THSD7A: variants seen among roughly 807,000 people sequenced by gnomAD.
THSD7A encodes the protein thrombospondin type-1 domain-containing protein 7A.
A neutral mutation model predicts 231.3 loss-of-function variants in THSD7A; 96 were observed. That is an observed-to-expected ratio of 0.41 (90% CI 0.35 to 0.49). The LOEUF is 0.49. Among genes scored for constraint, THSD7A ranks in the 20% least tolerant of loss-of-function variants. The pLI, the probability that THSD7A is intolerant of heterozygous loss-of-function variation, is 0.05. For missense variants in THSD7A, 2,290 were observed against 2,070.2 expected (o/e 1.11, Z -2.06); for synonymous variants, 940 against 743.3 (o/e 1.26, Z -4.30).
chr7:11,567,429 AGATTAGGGG>A (rs1207421501), intron 4 of THSD7A, among the ~76,000 whole-genome samples: 1 of 152,100 alleles, frequency 6.6e-6, no homozygotes, highest in Admixed American at 6.6e-5. Flanking sequence ...TCATATATGG[AGATTAGGGG>A]GATTACAGTT....
At chr7:11,527,774 CTCTT>C (rs1462732800) in intron 6 of THSD7A, among the ~76,000 whole-genome samples, 2 of 152,186 alleles carry the variant, frequency 1.3e-5, no homozygotes, top group African/African-American at 4.8e-5. Context: ...TCCCTCTCCT[CTCTT>C]TCTATATCAC....
At chr7:11,685,799 A>G (rs1780029352) in intron 1 of THSD7A, among the ~76,000 whole-genome samples, 1 of 151,964 alleles carries the variant, frequency 6.6e-6, no homozygotes, top group South Asian at 2.1e-4. Flanking sequence ...CCCTGTGCAA[A>G]GCAATTTGAA....
intron 1 of THSD7A, among the ~76,000 whole-genome samples, chr7:11,671,457 A>C (rs1245206706): frequency 6.6e-6 from 1 of 152,184 alleles, no homozygotes; most frequent in Non-Finnish European, 1.5e-5. Context: ...TATGTAAGAC[A>C]TTCCTCTTGC....
At chr7:11,772,320 C>G (rs1323586566) in intron 1 of THSD7A, among the ~76,000 whole-genome samples, 3 of 152,110 alleles carry the variant, frequency 2.0e-5, no homozygotes, top group African/African-American at 7.2e-5. Context: ...ATGGAGATCT[C>G]TCAAAGAACT....
intron 1 of THSD7A, among the ~76,000 whole-genome samples, chr7:11,709,177 C>G (rs1222670067): frequency 1.3e-5 from 2 of 150,746 alleles, no homozygotes; most frequent in African/African-American, 4.8e-5. Flanking sequence ...TATTTAGGGT[C>G]TGGCTTTGTT....
At chr7:11,567,572 G>C (rs948442262) in intron 4 of THSD7A, among the ~76,000 whole-genome samples, 2 of 152,086 alleles carry the variant, frequency 1.3e-5, no homozygotes, top group African/African-American at 2.4e-5. Flanking sequence ...TCTCACCCTG[G>C]GCCATAACTG....
At chr7:11,399,753 C>T (rs781732258) in intron 23 of THSD7A, among the ~76,000 whole-genome samples, 18 of 152,246 alleles carry the variant, frequency 1.2e-4, no homozygotes, top group South Asian at 6.2e-4. Flanking sequence ...GACAGTGTGG[C>T]GATTCCTCAA....
At chr7:11,445,649 G>A (rs1014504530) in intron 13 of THSD7A, among the ~76,000 whole-genome samples, 6 of 151,982 alleles carry the variant, frequency 3.9e-5, no homozygotes, top group African/African-American at 1.2e-4. Context: ...AATCTTGCCA[G>A]TTTAGGTGTT....
intron 2 of THSD7A, among the ~76,000 whole-genome samples, chr7:11,635,162 T>G (rs1781789276): frequency 1.3e-5 from 2 of 152,290 alleles, no homozygotes; most frequent in African/African-American, 4.8e-5. Flanking sequence ...GTCTTATATG[T>G]TTTTTAATCA....
At chr7:11,463,034 T>C (rs1351670374) in intron 9 of THSD7A, among the ~76,000 whole-genome samples, 1 of 152,182 alleles carries the variant, frequency 6.6e-6, no homozygotes, top group Non-Finnish European at 1.5e-5. Context: ...AAGAATTATG[T>C]TAATAGAATC....
intron 7 of THSD7A, among the ~76,000 whole-genome samples, chr7:11,481,144 C>T (rs1404640221): frequency 6.6e-6 from 1 of 152,016 alleles, no homozygotes. Flanking sequence ...TACCAAGAGC[C>T]TTGTATTTCT....
At chr7:11,752,821 G>C (rs1031251915) in intron 1 of THSD7A, among the ~76,000 whole-genome samples, 1 of 152,008 alleles carries the variant, frequency 6.6e-6, no homozygotes, top group South Asian at 2.1e-4. Context: ...AGCTACTCAA[G>C]AGGCTGAGTT....
At chr7:11,459,450 A>G (rs889446666) in intron 11 of THSD7A, among the ~76,000 whole-genome samples, 1 of 152,092 alleles carries the variant, frequency 6.6e-6, no homozygotes, top group African/African-American at 2.4e-5. Context: ...AATGGAGGAG[A>G]ACGACTTTCA....
chr7:11,388,267 T>A (rs112513838), intron 23 of THSD7A, among the ~76,000 whole-genome samples: 4 of 152,112 alleles, frequency 2.6e-5, no homozygotes, highest in Admixed American at 1.3e-4. Context: ...TCAGAAGGAA[T>A]GGTACCAGCT....
intron 1 of THSD7A, among the ~76,000 whole-genome samples, chr7:11,805,999 C>G (rs1418467252): frequency 6.6e-6 from 1 of 152,080 alleles, no homozygotes; most frequent in Non-Finnish European, 1.5e-5. Flanking sequence ...GTGACAGATT[C>G]TTTATTTTTA....
At chr7:11,797,622 T>C (rs530629272) in intron 1 of THSD7A, among the ~76,000 whole-genome samples, 192 of 152,138 alleles carry the variant, frequency 1.3e-3, no homozygotes, top group African/African-American at 4.6e-3. Flanking sequence ...CCTCACTATG[T>C]TGTCCAGGAT....
In THSD7A at chr7:11,399,410, C is replaced by T. The variant is rs543284423; in HGVS notation, c.4411+2385G>A. Among the ~76,000 whole-genome samples, 9 of 152,132 alleles carry T rather than the reference C, an allele frequency of 5.9e-5. No individual in the cohort carries two copies. The East Asian group carries it at 1.7e-3, about 29-fold the overall frequency. ...TCCTCTTCACTGAATTTGCCATGAG[C>T]TGGTCTATTTTGTCAGTTTGCTCTA... On this transcript the variant is annotated intron_variant, in intron 23 of 27. Transcript: ENST00000423059.
At chr7:11,650,565 G>A (rs751419578) in intron 1 of THSD7A, among the ~76,000 whole-genome samples, 4 of 152,028 alleles carry the variant, frequency 2.6e-5, no homozygotes, top group Non-Finnish European at 4.4e-5. Context: ...ACAACTTCAA[G>A]TTGTGCACAA....
intron 1 of THSD7A, among the ~76,000 whole-genome samples, chr7:11,692,521 G>A (rs960129799): frequency 3.0e-4 from 46 of 151,444 alleles, no homozygotes; most frequent in African/African-American, 1.0e-3. Context: ...AGGCAGATGC[G>A]TAATGTACAC....
Sources: allele counts gnomAD v4.1 joint callset (sites outside exome capture counted in the v4.1 genomes callset), GRCh38; gene constraint gnomAD v4.1.1; transcripts MANE v1.5; gene names NCBI Gene and HGNC (gene_info 2026-07-23, HGNC 2026-07-21).